Variants in ZFC3H1 observed in about 807,000 individuals in gnomAD.
ZFC3H1 encodes the protein zinc finger C3H1 domain-containing protein.
A neutral mutation model predicts 243.7 loss-of-function variants in ZFC3H1; 71 were observed. The observed-to-expected ratio is 0.29, with a 90% confidence interval of 0.24 to 0.36. ZFC3H1 has a LOEUF of 0.36. Among genes scored for constraint, ZFC3H1 ranks in the 10% least tolerant of loss-of-function variants. The pLI is 1.00. For synonymous variants in ZFC3H1, 838 were observed against 813.0 expected (o/e 1.03, Z -0.52); for missense variants, 1,966 against 2,317.1 (o/e 0.85, Z 3.11).
chr12:71,662,301 CG>C (rs1375952624), intron 1 of ZFC3H1, among the ~76,000 whole-genome samples: 1 of 152,150 alleles, frequency 6.6e-6, no homozygotes, highest in Non-Finnish European at 1.5e-5. Context: ...TCCACTCTAA[CG>C]TATTAAAATA....
chr12:71,609,967 A>C lies in ZFC3H1; in HGVS notation c.*461T>G, dbSNP rs992491646. On this transcript the variant is annotated 3_prime_UTR_variant, in exon 35 of 35. Transcript: ENST00000378743. ...TTTAAATCCTGAAATGAAGAATCTCAAAAAAATTTAAAAAGGAAAAACTAA... is the reference window on the plus strand; with the variant it reads ...TTTAAATCCTGAAATGAAGAATCTCCAAAAAATTTAAAAAGGAAAAACTAA... 6.5e-6 allele frequency: 1 copy of C among 152,772 alleles called. No individual in the cohort carries two copies. The highest frequency in any genetic ancestry group is 1.5e-5 in the Non-Finnish European group (1 of 68,188). 9.5% of individuals were successfully genotyped at this position (152,772 alleles called of 1,614,324 possible).
rs184919813 is a variant in ZFC3H1, at chr12:71,634,916, A to G, written c.2239-91T>C. 496 of 1,382,904 alleles carry G rather than the reference A, an allele frequency of 3.6e-4. 1 individual carries two copies. In the African/African-American group the frequency reaches 5.4e-3, roughly 15 times the overall value. The allele number at this position is 1,382,904 out of a possible 1,614,324, so 85.7% of individuals were successfully genotyped here. ...TATATTTTACATTGCAACCCAGTGT[A>G]TACTGAATTTATTTAGAAATACCTG... On this transcript the variant is annotated intron_variant, in intron 10 of 34. Coordinates refer to ENST00000378743, the MANE Select transcript of ZFC3H1 (RefSeq NM_144982.5).
chr12:71,609,900 G>A lies in ZFC3H1; in HGVS notation c.*528C>T, dbSNP rs1879726131. 1.3e-5 allele frequency: 2 copies of A among 152,538 alleles called. No individual in the cohort carries two copies. The highest frequency in any genetic ancestry group is 4.8e-5 in the African/African-American group (2 of 41,378). 9.4% of individuals were successfully genotyped at this position (152,538 alleles called of 1,614,324 possible). A position where few individuals can be genotyped will look rare whatever the true frequency, so the allele number is the denominator to read the frequency against. ...ATTCAAGTGCAACTAGCAGACTTGT[G>A]GCCATGGCAGTTACACTTTCCTTAA... On this transcript the variant is annotated 3_prime_UTR_variant, in exon 35 of 35. Coordinates refer to ENST00000378743, the MANE Select transcript of ZFC3H1 (RefSeq NM_144982.5).
chr12:71,637,787 T>C lies in ZFC3H1; in HGVS notation c.1725+631A>G, dbSNP rs1047219057. On this transcript the variant is annotated intron_variant, in intron 7 of 34. Coordinates refer to ENST00000378743, the MANE Select transcript of ZFC3H1 (RefSeq NM_144982.5). ...AGACGTCTTTCCTGAAACGGAAAAG[T>C]TCCCTCTTACACCTACTGAGAGATA... 7.2e-5 allele frequency among the ~76,000 whole-genome samples: 11 copies of C among 152,276 alleles called. 1 individual carries two copies. Among genetic ancestry groups the C allele is most frequent in the Admixed American group, 1.3e-4 (2 of 15,302 alleles).
At position 71,627,752 on chromosome 12, in the gene ZFC3H1, CCT is replaced by C; in HGVS notation, c.4127_4128del (p.Glu1376GlyfsTer21). On this transcript the variant is annotated frameshift_variant and splice_region_variant, in exon 21 of 35. Coordinates refer to ENST00000378743, the MANE Select transcript of ZFC3H1 (RefSeq NM_144982.5). LOFTEE classifies it high-confidence loss of function. ...CACAAAGATTTGAAGTTGACCTACC[CCT>C]CATTTTGATTCAAGTACTTGTACGC... ...KLAYKYLNQN[E>X]GECSESLDSA... The C allele has an allele frequency of 6.2e-7, 1 of 1,606,814 alleles. No individual in the cohort carries two copies. The highest frequency in any genetic ancestry group is 8.5e-7 in the Non-Finnish European group (1 of 1,176,852).
rs1439318043 is a variant in ZFC3H1 at position 71,634,761 on chromosome 12, T to G, written c.2303A>C (p.Glu768Ala). 6.2e-7 allele frequency: 1 copy of G among 1,608,154 alleles called. No homozygotes were observed. The highest frequency in any genetic ancestry group is 8.5e-7 in the Non-Finnish European group (1 of 1,177,730). ...AATCTTCTTTTCTTCAGGCAAAGCCTCCGGTGTTCGCAGAGGATCATTTTC... is the reference window on the plus strand; with the variant it reads ...AATCTTCTTTTCTTCAGGCAAAGCCGCCGGTGTTCGCAGAGGATCATTTTC... ...EKENDPLRTP[E>A]ALPEEKKIEY... The change falls in exon 11 of 35, where the codon GAG becomes GCG. Residue 768 changes from glutamate to alanine, a missense_variant. Physicochemically the swap from Glu to Ala is moderately radical, Grantham distance 107 (BLOSUM62 -1). Coordinates refer to ENST00000378743, the MANE Select transcript of ZFC3H1 (RefSeq NM_144982.5).
chr12:71,625,975 A>G (rs1240705846), intron 22 of ZFC3H1, among the ~76,000 whole-genome samples: 1 of 152,154 alleles, frequency 6.6e-6, no homozygotes, highest in Non-Finnish European at 1.5e-5. Flanking sequence ...CTGTGTAAAA[A>G]TAGGTAAGTG....
chr12:71,640,799 C>T (rs1880581683), intron 6 of ZFC3H1, among the ~76,000 whole-genome samples: 1 of 152,048 alleles, frequency 6.6e-6, no homozygotes, highest in Admixed American at 6.5e-5. Flanking sequence ...AACCTTCTGG[C>T]AATTTCTGAA....
At chr12:71,628,446 T>C (rs1191348167) in intron 20 of ZFC3H1, among the ~76,000 whole-genome samples, 1 of 152,246 alleles carries the variant, frequency 6.6e-6, no homozygotes, top group Non-Finnish European at 1.5e-5. Context: ...AAGTAAAATG[T>C]GCCTAACATA....
intron 11 of ZFC3H1, 96 bp downstream of exon 11, chr12:71,634,608 C>T (rs1046593587): frequency 1.5e-6 from 2 of 1,348,748 alleles, no homozygotes; most frequent in Non-Finnish European, 2.0e-6. Flanking sequence ...TTGGATAAAA[C>T]TATCATCACT....
intron 2 of ZFC3H1, chr12:71,656,464 T>A (rs1162394683): frequency 8.0e-6 from 5 of 625,078 alleles, no homozygotes; most frequent in Non-Finnish European, 1.4e-5. Context: ...CTCATCCCAA[T>A]AATGAAGAAA....
chr12:71,634,328 T>G, intron 11 of ZFC3H1, 24 bp from the exon 12 acceptor site: 2 of 1,606,240 alleles, frequency 1.2e-6, no homozygotes, highest in Non-Finnish European at 1.7e-6. Flanking sequence ...AAAGGATATA[T>G]GCATTACACC....
intron 1 of ZFC3H1, among the ~76,000 whole-genome samples, chr12:71,658,238 G>A (rs1881071295): frequency 6.7e-6 from 1 of 148,420 alleles, no homozygotes; most frequent in African/African-American, 2.5e-5. Context: ...ATATTAGCAA[G>A]AGAAAAGACA....
chr12:71,622,096 T>C (rs1331407986), intron 24 of ZFC3H1, among the ~76,000 whole-genome samples: 1 of 152,212 alleles, frequency 6.6e-6, no homozygotes, highest in Non-Finnish European at 1.5e-5. Flanking sequence ...ACCTATCCCT[T>C]TTCCCAATCT....
chr12:71,655,070 TAAAA>T (rs1217599471), intron 2 of ZFC3H1, among the ~76,000 whole-genome samples: 1 of 151,972 alleles, frequency 6.6e-6, no homozygotes, highest in Non-Finnish European at 1.5e-5. Context: ...TATCAAAAAA[TAAAA>T]AAAGTGAACA....
rs1880369134 is a variant in ZFC3H1 at position 71,633,210 on chromosome 12, T to C, written c.2685+54A>G. 2.0e-6 allele frequency: 3 copies of C among 1,496,194 alleles called. No individual in the cohort carries two copies. In the Admixed American group the frequency reaches 7.4e-5, roughly 37 times the overall value. 92.7% of individuals were successfully genotyped at this position (1,496,194 alleles called of 1,614,324 possible). ...ACAGTGGTTTGTCTTACAGAAAATT[T>C]GGCCTATAAAAATGTGTAGTAAACA... is the stretch of plus-strand genomic sequence containing the variant. On this transcript the variant is annotated intron_variant, in intron 13 of 34. Coordinates refer to ENST00000378743, the MANE Select transcript of ZFC3H1 (RefSeq NM_144982.5).
chr12:71,632,307 A>C lies in ZFC3H1; in HGVS notation c.3025T>G (p.Leu1009Val). ...AGATCATGAAGTGAGGGTTGAGGTA[A>C]AGAAAATTCGGGTTCCTCTTCCACA... The part of the protein sequence containing the change: ...PVVEEEPEFS[L>V]PQPSLHDLTQ... Residue 1009 changes from leucine (L) to valine (V), a missense_variant, in exon 15 of 35, where the codon TTA becomes GTA. Coordinates refer to ENST00000378743, the MANE Select transcript of ZFC3H1 (RefSeq NM_144982.5). 6.2e-7 allele frequency: 1 copy of C among 1,613,854 alleles called. No individual in the cohort carries two copies. The highest frequency in any genetic ancestry group is 8.5e-7 in the Non-Finnish European group (1 of 1,179,858).
intron 1 of ZFC3H1, among the ~76,000 whole-genome samples, chr12:71,657,539 T>A (rs916225553): frequency 7.9e-5 from 12 of 152,180 alleles, no homozygotes; most frequent in Non-Finnish European, 4.4e-5. Flanking sequence ...ATCACTAGTG[T>A]CATAATTACC....
rs1332558415 is a variant in ZFC3H1 at position 71,627,901 on chromosome 12, G to A, written c.3980C>T (p.Ala1327Val). Residue 1327 changes from alanine to valine, a missense_variant, in exon 21 of 35, where the codon GCT (alanine) becomes GTT (valine). Physicochemically the swap from Ala to Val is moderately conservative, Grantham distance 64 (BLOSUM62 0). Transcript: ENST00000378743. ...ATCTGGAGTGACAACTGTATCCAGA[G>A]CTGGAACATTTATTTGGTTCTCTGG... ...FQPENQINVPALDTVVTPDDV... is the reference protein window; with the variant it reads ...FQPENQINVPVLDTVVTPDDV... 6.2e-7 allele frequency: 1 copy of A among 1,612,380 alleles called. No individual in the cohort carries two copies. Among genetic ancestry groups the A allele is most frequent in the East Asian group, 2.2e-5 (1 of 44,802 alleles).
Sources: allele counts gnomAD v4.1 joint callset (sites outside exome capture counted in the v4.1 genomes callset), GRCh38; gene constraint gnomAD v4.1.1; transcripts MANE v1.5; gene names NCBI Gene and HGNC (gene_info 2026-07-23, HGNC 2026-07-21).